Variants in MSRB3 observed in about 807,000 individuals in gnomAD.
MSRB3 encodes the protein methionine sulfoxide reductase B3.
A neutral mutation model predicts 21.0 loss-of-function variants in MSRB3; 13 were observed. That is an observed-to-expected ratio of 0.62 (90% CI 0.40 to 0.98). MSRB3 has a LOEUF of 0.98. Ranked by LOEUF, MSRB3 falls within the 50% of genes least tolerant of loss-of-function variation. The probability of loss-of-function intolerance (pLI) is 0.00; values close to 1 mark genes in which losing one functional copy is unlikely to be tolerated. For missense variants in MSRB3, 199 were observed against 230.3 expected, an observed-to-expected ratio of 0.86 and a Z score of 0.88; for synonymous variants, 87 against 88.6, an observed-to-expected ratio of 0.98 and a Z score of 0.10.
At chr12:65,316,468 C>T (rs373688229) in intron 2 of MSRB3, among the ~76,000 whole-genome samples, 3 of 152,250 alleles carry the variant, frequency 2.0e-5, no homozygotes, top group South Asian at 4.1e-4. Context: ...TCCTGCAAAG[C>T]AAGCTCCAGA....
chr12:65,370,002 C>G (rs1878230025), intron 5 of MSRB3, among the ~76,000 whole-genome samples: 1 of 151,964 alleles, frequency 6.6e-6, no homozygotes, highest in Non-Finnish European at 1.5e-5. Flanking sequence ...CCTTTTCTTT[C>G]TTTTATTGTA....
chr12:65,425,631 C>G (rs1186433105), intron 5 of MSRB3, among the ~76,000 whole-genome samples: 2 of 152,196 alleles, frequency 1.3e-5, no homozygotes, highest in East Asian at 3.9e-4. Context: ...CAAAATCCTA[C>G]ACTTTTGCCT....
Position 65,326,929 on chromosome 12 carries a change from C to T in MSRB3, c.180C>T (p.Thr60=), listed in dbSNP as rs147698935. ...LQYHVTQEKG[T]ESAFEGEYTH... ...ACCATGTCACTCAGGAGAAAGGGAC[C>T]GAAAGGTAAGGTGAGCTTTAATAAA... Residue 60 remains threonine, a synonymous_variant, in exon 3 of 7, where the codon ACC becomes ACT. Transcript: ENST00000308259. 6.1e-4 allele frequency: 976 copies of T among 1,611,856 alleles called. 1 individual carries two copies. The African/African-American group carries it at 9.4e-3, about 15-fold the overall frequency.
At chr12:65,353,236 T>C (rs1877149774) in intron 4 of MSRB3, among the ~76,000 whole-genome samples, 1 of 152,150 alleles carries the variant, frequency 6.6e-6, no homozygotes, top group Non-Finnish European at 1.5e-5. Context: ...AGATGTCCAT[T>C]AGGTCCACCT....
intron 5 of MSRB3, among the ~76,000 whole-genome samples, chr12:65,377,416 C>T (rs1032666247): frequency 2.6e-5 from 4 of 152,082 alleles, no homozygotes; most frequent in African/African-American, 4.8e-5. Flanking sequence ...GGATTACAGG[C>T]GCCCTGCCCC....
chr12:65,366,600 GGATGTAGAATCCGCA>G (rs1489116411), intron 4 of MSRB3, among the ~76,000 whole-genome samples: 1 of 151,934 alleles, frequency 6.6e-6, no homozygotes, highest in Non-Finnish European at 1.5e-5. Flanking sequence ...AGGAGGGGAG[GGATGTAGAATCCGCA>G]GATCTTGATG....
Position 65,463,404 on chromosome 12 carries a change from T to G in MSRB3, c.*82T>G. ...CAAAATTGTTATCTTAATAGATATA[T>G]TTTTTCAAAAACTATAAGGGCAGTT... On this transcript the variant is annotated 3_prime_UTR_variant, in exon 7 of 7. Transcript: ENST00000308259. The G allele has an allele frequency of 6.6e-7, 1 of 1,512,290 alleles. No homozygotes were observed. The allele number at this position is 1,512,290 out of a possible 1,614,324, so 93.7% of individuals were successfully genotyped here.
At chr12:65,302,318 C>G (rs961328118) in intron 1 of MSRB3, among the ~76,000 whole-genome samples, 3 of 152,010 alleles carry the variant, frequency 2.0e-5, no homozygotes, top group Non-Finnish European at 4.4e-5. Flanking sequence ...TCTTTGGTAC[C>G]AAACTCCCAT....
At position 65,447,605 on chromosome 12, in the gene MSRB3, CAT is replaced by C. The variant is rs534058852; in HGVS notation, c.293-6122_293-6121del. Among the ~76,000 whole-genome samples, 321 of 152,176 alleles carry C rather than the reference CAT, an allele frequency of 2.1e-3. 2 individuals carry two copies. The highest frequency in any genetic ancestry group is 7.1e-3 in the African/African-American group (295 of 41,512). ...GGTATATTTTGTTTCTGGATATAGA[CAT>C]GTGTAGAAGATTAATCAAAATAACT... On this transcript the variant is annotated intron_variant, in intron 5 of 6. Coordinates refer to ENST00000308259, the MANE Select transcript of MSRB3 (RefSeq NM_001031679.3).
At chr12:65,357,697 G>A (rs1877467819) in intron 4 of MSRB3, among the ~76,000 whole-genome samples, 2 of 151,840 alleles carry the variant, frequency 1.3e-5, no homozygotes, top group South Asian at 4.2e-4. Flanking sequence ...GACCTTGGCA[G>A]GTTTGAGGAG....
intron 1 of MSRB3, among the ~76,000 whole-genome samples, chr12:65,306,333 A>G (rs375266403): frequency 9.9e-5 from 15 of 152,216 alleles, no homozygotes; most frequent in African/African-American, 2.7e-4. Flanking sequence ...CTGTGGAAGT[A>G]TGAGTATTAG....
intron 5 of MSRB3, among the ~76,000 whole-genome samples, chr12:65,450,185 A>G (rs150726744): frequency 1.3e-5 from 2 of 152,274 alleles, no homozygotes; most frequent in Admixed American, 6.5e-5. Flanking sequence ...ACTAATCTGG[A>G]TCACTTTCTC....
intron 5 of MSRB3, among the ~76,000 whole-genome samples, chr12:65,408,758 C>T (rs557919155): frequency 6.6e-6 from 1 of 152,256 alleles, no homozygotes; most frequent in African/African-American, 2.4e-5. Flanking sequence ...ATTTCCCTTC[C>T]CCAACAGAGA....
intron 5 of MSRB3, among the ~76,000 whole-genome samples, chr12:65,438,265 A>G (rs1197306363): frequency 1.3e-5 from 2 of 151,900 alleles, no homozygotes; most frequent in Non-Finnish European, 2.9e-5. Flanking sequence ...CTGAGACCAA[A>G]ATTTGTTGCC....
chr12:65,458,515 T>C (rs1201576275), intron 6 of MSRB3, among the ~76,000 whole-genome samples: 1 of 152,216 alleles, frequency 6.6e-6, no homozygotes, highest in East Asian at 1.9e-4. Flanking sequence ...AAAAGAATTG[T>C]TGTGTAGGAA....
chr12:65,442,960 T>C (rs1227771042), intron 5 of MSRB3, among the ~76,000 whole-genome samples: 1 of 152,092 alleles, frequency 6.6e-6, no homozygotes, highest in Non-Finnish European at 1.5e-5. Flanking sequence ...GGTTTTTGGT[T>C]GAAATGGTTT....
chr12:65,437,282 T>C (rs1882163326), intron 5 of MSRB3, among the ~76,000 whole-genome samples: 1 of 151,854 alleles, frequency 6.6e-6, no homozygotes, highest in Non-Finnish European at 1.5e-5. Flanking sequence ...GAGATCGGCA[T>C]AGCCACTTCT....
chr12:65,352,066 A>G (rs1196016399), intron 4 of MSRB3, among the ~76,000 whole-genome samples: 1 of 152,098 alleles, frequency 6.6e-6, no homozygotes, highest in Non-Finnish European at 1.5e-5. Context: ...AATCCTCAAT[A>G]AAATACTGGC....
At chr12:65,281,017 A>G (rs1251113829) in intron 1 of MSRB3, among the ~76,000 whole-genome samples, 2 of 152,088 alleles carry the variant, frequency 1.3e-5, no homozygotes, top group African/African-American at 4.8e-5. Flanking sequence ...GCTTGAACCC[A>G]GGAGTTCGAG....
Sources: allele counts gnomAD v4.1 joint callset (sites outside exome capture counted in the v4.1 genomes callset), GRCh38; gene constraint gnomAD v4.1.1; transcripts MANE v1.5; gene names NCBI Gene and HGNC (gene_info 2026-07-23, HGNC 2026-07-21).